Variants in ERBB4 observed in about 807,000 individuals in gnomAD.
The protein encoded by ERBB4 is erb-b2 receptor tyrosine kinase 4.
In ERBB4, 42 loss-of-function variants were observed where a neutral mutation model predicts 158.0. The ratio of observed to expected loss-of-function variants is 0.27; its 90% CI spans 0.21 to 0.34. The LOEUF (loss-of-function observed/expected upper bound fraction) is 0.34. ERBB4 is among the 10% of genes least tolerant of loss of function. The pLI is 1.00. For missense variants in ERBB4, 1,333 were observed against 1,624.1 expected (o/e 0.82, Z 3.08); for synonymous variants, 583 against 558.7 (o/e 1.04, Z -0.61).
intron 1 of ERBB4, among the ~76,000 whole-genome samples, chr2:212,313,781 T>C (rs1162829352): frequency 6.6e-6 from 1 of 151,036 alleles, no homozygotes; most frequent in Non-Finnish European, 1.5e-5. Context: ...TAAAAATTTG[T>C]CTTTATTCTT....
intron 3 of ERBB4, among the ~76,000 whole-genome samples, chr2:211,814,132 T>C (rs1447619075): frequency 6.6e-6 from 1 of 152,126 alleles, no homozygotes; most frequent in Non-Finnish European, 1.5e-5. Context: ...AATACAAATA[T>C]AAATGCAATT....
intron 19 of ERBB4, among the ~76,000 whole-genome samples, chr2:211,601,666 T>C (rs2068804100): frequency 6.6e-6 from 1 of 152,060 alleles, no homozygotes; most frequent in African/African-American, 2.4e-5. Context: ...TGCAAAATAT[T>C]GAGGGAAAAG....
chr2:211,689,597 T>C (rs2072715253), intron 12 of ERBB4, among the ~76,000 whole-genome samples: 1 of 152,166 alleles, frequency 6.6e-6, no homozygotes, highest in Non-Finnish European at 1.5e-5. Context: ...AGTAAAAAGA[T>C]AGTTTAACCA....
intron 1 of ERBB4, among the ~76,000 whole-genome samples, chr2:212,126,788 C>G (rs1212667344): frequency 6.6e-6 from 1 of 152,028 alleles, no homozygotes; most frequent in Admixed American, 6.6e-5. Context: ...GCTATGATGC[C>G]TGATGTTGTT....
At chr2:212,472,289 A>G (rs1296589623) in intron 1 of ERBB4, among the ~76,000 whole-genome samples, 2 of 151,872 alleles carry the variant, frequency 1.3e-5, no homozygotes, top group Non-Finnish European at 3.0e-5. Flanking sequence ...TATTGGCACA[A>G]CAACCTTTTA....
chr2:211,883,791 C>T (rs988659213), intron 3 of ERBB4, among the ~76,000 whole-genome samples: 15 of 151,422 alleles, frequency 9.9e-5, no homozygotes, highest in African/African-American at 3.2e-4. Context: ...GACTCAGTCT[C>T]GAAAATAAAA....
At chr2:212,063,378 T>C (rs1472169499) in intron 2 of ERBB4, among the ~76,000 whole-genome samples, 4 of 152,166 alleles carry the variant, frequency 2.6e-5, no homozygotes, top group Admixed American at 6.5e-5. Flanking sequence ...ATAAATGTTA[T>C]CTTAAATAGT....
intron 1 of ERBB4, among the ~76,000 whole-genome samples, chr2:212,455,064 CTCCATCT>C (rs1688211012): frequency 6.6e-6 from 1 of 152,164 alleles, no homozygotes; most frequent in African/African-American, 2.4e-5. Context: ...GTGAGAAATT[CTCCATCT>C]TCCCACCTTT....
intron 20 of ERBB4, among the ~76,000 whole-genome samples, chr2:211,545,251 A>G (rs1232372238): frequency 3.9e-5 from 6 of 152,114 alleles, no homozygotes; most frequent in Non-Finnish European, 7.4e-5. Context: ...AGAACACATC[A>G]TAAGTATATA....
chr2:212,172,471 T>C (rs1327707118), intron 1 of ERBB4, among the ~76,000 whole-genome samples: 1 of 152,174 alleles, frequency 6.6e-6, no homozygotes, highest in African/African-American at 2.4e-5. Context: ...ATGCGTATGT[T>C]CATTGCAGCA....
At chr2:212,261,702 GT>G (rs1464669982) in intron 1 of ERBB4, among the ~76,000 whole-genome samples, 1 of 151,938 alleles carries the variant, frequency 6.6e-6, no homozygotes, top group African/African-American at 2.4e-5. Flanking sequence ...GTTAAGATGG[GT>G]AATAATATAA....
intron 7 of ERBB4, among the ~76,000 whole-genome samples, chr2:211,718,727 T>C (rs1225899228): frequency 1.4e-5 from 2 of 140,366 alleles, no homozygotes; most frequent in Non-Finnish European, 3.1e-5. Flanking sequence ...TATATAAAAC[T>C]AAAAAAAAAA....
intron 20 of ERBB4, among the ~76,000 whole-genome samples, chr2:211,500,478 A>T (rs2065589190): frequency 6.6e-6 from 1 of 152,114 alleles, no homozygotes; most frequent in South Asian, 2.1e-4. Context: ...AATAGGTTTG[A>T]TTCTACAAAA....
intron 2 of ERBB4, among the ~76,000 whole-genome samples, chr2:211,981,326 G>A (rs536011553): frequency 6.6e-6 from 1 of 152,242 alleles, no homozygotes; most frequent in Non-Finnish European, 1.5e-5. Flanking sequence ...CGATTAAAAG[G>A]TATATACAGA....
chr2:212,511,618 C>T (rs1312797091), intron 1 of ERBB4, among the ~76,000 whole-genome samples: 1 of 151,484 alleles, frequency 6.6e-6, no homozygotes, highest in Admixed American at 6.6e-5. Flanking sequence ...TATTTTTTTT[C>T]AAACGTATTT....
At chr2:211,442,970 A>T (rs1474277304) in intron 20 of ERBB4, among the ~76,000 whole-genome samples, 3 of 151,930 alleles carry the variant, frequency 2.0e-5, no homozygotes, top group Admixed American at 2.0e-4. Context: ...GAGATGACAT[A>T]ACTCAGTTTG....
intron 2 of ERBB4, among the ~76,000 whole-genome samples, chr2:211,970,549 T>C (rs1355599155): frequency 6.6e-6 from 1 of 152,204 alleles, no homozygotes; most frequent in Non-Finnish European, 1.5e-5. Flanking sequence ...TTTATGAATC[T>C]AGGTGCTCCT....
intron 16 of ERBB4, among the ~76,000 whole-genome samples, chr2:211,656,578 A>T (rs2071226373): frequency 6.6e-6 from 1 of 152,220 alleles, no homozygotes; most frequent in South Asian, 2.1e-4. Context: ...CGCCATGATC[A>T]AGATAGAAGA....
chr2:212,532,296 G>A (rs1301172724), intron 1 of ERBB4, among the ~76,000 whole-genome samples: 4 of 152,216 alleles, frequency 2.6e-5, no homozygotes, highest in African/African-American at 4.8e-5. Flanking sequence ...GGAGAGTAGA[G>A]GCAACAGTGA....
Sources: allele counts gnomAD v4.1 joint callset (sites outside exome capture counted in the v4.1 genomes callset), GRCh38; gene constraint gnomAD v4.1.1; transcripts MANE v1.5; gene names NCBI Gene and HGNC (gene_info 2026-07-23, HGNC 2026-07-21).